The following CDK19 variants were observed in gnomAD, a reference collection of about 807,000 sequenced individuals.
The protein encoded by CDK19 is cyclin-dependent kinase 19.
Under a neutral mutation model 68.3 loss-of-function variants are expected in CDK19, and 20 were observed. The ratio of observed to expected loss-of-function variants is 0.29; its 90% CI spans 0.21 to 0.43. CDK19 has a LOEUF of 0.43. Ranked by LOEUF, CDK19 falls within the 20% of genes least tolerant of loss-of-function variation. The pLI is 1.00. For missense variants in CDK19, 339 were observed against 623.5 expected, an observed-to-expected ratio of 0.54 and a Z score of 4.86; for synonymous variants, 221 against 222.8, an observed-to-expected ratio of 0.99 and a Z score of 0.07.
At chr6:110,777,095 C>A (rs802665) in intron 1 of CDK19, among the ~76,000 whole-genome samples, 51,841 of 152,028 alleles carry the variant, frequency 0.34, 10,329 homozygotes, top group East Asian at 0.68. Context: ...ATCTATATGT[C>A]AGAAGCCAAA....
At chr6:110,626,433 T>C (rs1779092995) in intron 8 of CDK19, among the ~76,000 whole-genome samples, 1 of 152,242 alleles carries the variant, frequency 6.6e-6, no homozygotes, top group Non-Finnish European at 1.5e-5. Flanking sequence ...AAATTCATGT[T>C]GAAACTTAAT....
chr6:110,645,317 CAGAGTA>C (rs1370601369), intron 4 of CDK19, among the ~76,000 whole-genome samples: 7 of 151,952 alleles, frequency 4.6e-5, no homozygotes, highest in African/African-American at 1.7e-4. Flanking sequence ...CTAAATTACT[CAGAGTA>C]AAAGGAGAAA....
At chr6:110,796,135 G>A (rs1382794765) in intron 1 of CDK19, among the ~76,000 whole-genome samples, 7 of 152,062 alleles carry the variant, frequency 4.6e-5, no homozygotes, top group Non-Finnish European at 1.0e-4. Flanking sequence ...TCAAGAGATC[G>A]AGACCATCCT....
At chr6:110,647,117 C>A (rs60080465) in intron 4 of CDK19, among the ~76,000 whole-genome samples, 3,115 of 152,238 alleles carry the variant, frequency 0.02, 108 homozygotes, top group African/African-American at 0.072. Flanking sequence ...TCTATCACCC[C>A]CAAAGGAAAA....
intron 3 of CDK19, 125 bp from the exon 4 acceptor site, chr6:110,667,699 A>C: frequency 2.1e-6 from 1 of 480,530 alleles, no homozygotes. Context: ...TAATGACACA[A>C]AGAAAAATAA....
intron 4 of CDK19, among the ~76,000 whole-genome samples, chr6:110,647,189 C>T (rs572079811): frequency 3.3e-4 from 50 of 152,238 alleles, no homozygotes; most frequent in African/African-American, 1.1e-3. Flanking sequence ...AGCTGGGGTC[C>T]GGCCGGCCAG....
intron 5 of CDK19, among the ~76,000 whole-genome samples, chr6:110,635,208 G>C (rs886823218): frequency 1.3e-5 from 2 of 152,164 alleles, no homozygotes; most frequent in Non-Finnish European, 2.9e-5. Flanking sequence ...AAAATATACA[G>C]AGTAGAAGCA....
intron 12 of CDK19, among the ~76,000 whole-genome samples, chr6:110,617,208 C>T (rs979143267): frequency 9.2e-5 from 14 of 152,152 alleles, no homozygotes; most frequent in African/African-American, 3.1e-4. Context: ...GCTGTGAAAC[C>T]TAAAAATATT....
At chr6:110,643,486 G>A (rs1217603333) in intron 4 of CDK19, among the ~76,000 whole-genome samples, 2 of 152,068 alleles carry the variant, frequency 1.3e-5, no homozygotes, top group African/African-American at 4.8e-5. Context: ...CTTATTTGTG[G>A]GAGCTAAAAA....
At position 110,680,427 on chromosome 6, in the gene CDK19, C is replaced by T. The variant is rs149903732; in HGVS notation, c.205-9886G>A. Among the ~76,000 whole-genome samples, 318 of 152,066 alleles carry T rather than the reference C, an allele frequency of 2.1e-3. 2 individuals carry two copies. The highest frequency in any genetic ancestry group is 7.4e-3 in the African/African-American group (307 of 41,478). ...TATTAACCTTATTAGTAGTTATGTC[C>T]AAGGCCAGTTTACTAAGAAAATGCT... On this transcript the variant is annotated intron_variant, in intron 2 of 12. Transcript: ENST00000368911.
At chr6:110,764,906 G>A (rs953853594) in intron 1 of CDK19, among the ~76,000 whole-genome samples, 13 of 151,082 alleles carry the variant, frequency 8.6e-5, no homozygotes, top group East Asian at 1.9e-4. Context: ...AGCCAAGATC[G>A]TGCCACTGTA....
chr6:110,732,260 T>C (rs912678037), intron 2 of CDK19, among the ~76,000 whole-genome samples: 4 of 151,876 alleles, frequency 2.6e-5, no homozygotes, highest in African/African-American at 4.8e-5. Flanking sequence ...CTTTCGGAGA[T>C]GGAGGCAGGT....
At chr6:110,664,659 A>C (rs567359010) in intron 4 of CDK19, among the ~76,000 whole-genome samples, 26 of 152,322 alleles carry the variant, frequency 1.7e-4, no homozygotes, top group African/African-American at 6.3e-4. Context: ...GCAGTAGTGT[A>C]CAAAAAGAGT....
At chr6:110,638,057 ATT>A (rs71553303) in intron 5 of CDK19, among the ~76,000 whole-genome samples, 9 of 149,560 alleles carry the variant, frequency 6.0e-5, no homozygotes, top group Admixed American at 3.3e-4. Context: ...AATGATGCTG[ATT>A]TTTTTTTTTA....
intron 6 of CDK19, among the ~76,000 whole-genome samples, chr6:110,628,386 C>T (rs1317963177): frequency 6.6e-6 from 1 of 152,158 alleles, no homozygotes; most frequent in Non-Finnish European, 1.5e-5. Context: ...TCAACCACTG[C>T]AGTTCGAAAA....
Position 110,622,122 on chromosome 6 carries a change from A to T in CDK19, c.1076T>A (p.Leu359His). 6.2e-7 allele frequency: 1 copy of T among 1,613,062 alleles called. No homozygotes were observed. The highest frequency in any genetic ancestry group is 8.5e-7 in the Non-Finnish European group (1 of 1,179,308). ...TTTTTCTTCAGGATCATCTTCATTA[A>T]GGAATTCTCGTTTGGGGTATGGAAT... ...CQIPYPKREF[L>H]NEDDPEEKGD... The change falls in exon 11 of 13, where the codon CTT (leucine) becomes CAT (histidine). Residue 359 changes from leucine (L) to histidine (H), a missense_variant. By Grantham distance (99) the Leu-to-His change is moderately conservative. Coordinates refer to ENST00000368911, the MANE Select transcript of CDK19 (RefSeq NM_015076.5).
At chr6:110,664,014 G>A (rs1781769170) in intron 4 of CDK19, among the ~76,000 whole-genome samples, 1 of 152,016 alleles carries the variant, frequency 6.6e-6, no homozygotes, top group African/African-American at 2.4e-5. Flanking sequence ...TCTAGTGGGG[G>A]AAAAAATCAT....
intron 1 of CDK19, among the ~76,000 whole-genome samples, chr6:110,783,680 T>C (rs1294056485): frequency 1.4e-5 from 2 of 147,796 alleles, no homozygotes; most frequent in African/African-American, 5.0e-5. Context: ...GATCTAAATA[T>C]AAGAGCTTAA....
chr6:110,794,256 A>G (rs1781783368), intron 1 of CDK19, among the ~76,000 whole-genome samples: 1 of 151,894 alleles, frequency 6.6e-6, no homozygotes, highest in African/African-American at 2.4e-5. Flanking sequence ...ATATTTGGTC[A>G]GGCTGGTCTC....
Sources: gnomAD v4.1 joint callset for allele counts (sites outside exome capture counted in the v4.1 genomes callset) on GRCh38, gnomAD v4.1.1 for gene constraint, MANE v1.5 for transcripts, NCBI Gene and HGNC (gene_info 2026-07-23, HGNC 2026-07-21) for gene names.